The following CAMK1D variants were observed in gnomAD, a reference collection of about 807,000 sequenced individuals.
CAMK1D encodes calcium/calmodulin-dependent protein kinase type 1D.
Under a neutral mutation model 47.7 loss-of-function variants are expected in CAMK1D, and 9 were observed. That is an observed-to-expected ratio of 0.19 (90% confidence interval 0.11 to 0.33). CAMK1D has a LOEUF of 0.33. CAMK1D is among the 10% of genes least tolerant of loss of function. The pLI is 1.00. For missense variants in CAMK1D, 291 were observed against 488.7 expected, an observed-to-expected ratio of 0.60 and a Z score of 3.81; for synonymous variants, 184 against 184.9, an observed-to-expected ratio of 0.99 and a Z score of 0.04.
At chr10:12,473,658 G>A (rs1011986992) in intron 1 of CAMK1D, among the ~76,000 whole-genome samples, 1 of 152,032 alleles carries the variant, frequency 6.6e-6, no homozygotes, top group Non-Finnish European at 1.5e-5. Flanking sequence ...CTGCAAGCCC[G>A]GGGAGTCTAC....
At chr10:12,457,381 ACT>A (rs1833283328) in intron 1 of CAMK1D, among the ~76,000 whole-genome samples, 1 of 146,044 alleles carries the variant, frequency 6.8e-6, no homozygotes, top group Non-Finnish European at 1.5e-5. Context: ...ACAGAGCGAG[ACT>A]CTGTCTCAAA....
intron 3 of CAMK1D, among the ~76,000 whole-genome samples, chr10:12,683,724 A>G (rs184541728): frequency 2.6e-4 from 39 of 148,126 alleles, no homozygotes; most frequent in African/African-American, 9.7e-4. Flanking sequence ...TATGAAGTAA[A>G]TGAATTTAGG....
At chr10:12,825,053 G>T (rs999103252) in intron 9 of CAMK1D, among the ~76,000 whole-genome samples, 1 of 34,454 alleles carries the variant, frequency 2.9e-5, no homozygotes, top group Non-Finnish European at 6.4e-5. Flanking sequence ...TGCCATGAGG[G>T]CCAATGGTGA....
intron 6 of CAMK1D, among the ~76,000 whole-genome samples, chr10:12,800,711 G>A (rs1173996589): frequency 2.0e-5 from 3 of 152,174 alleles, no homozygotes; most frequent in Admixed American, 6.5e-5. Context: ...CTTTGAGCAG[G>A]CGTTCTCAGG....
intron 6 of CAMK1D, among the ~76,000 whole-genome samples, chr10:12,792,688 GGTAA>G (rs1198668003): frequency 1.3e-5 from 2 of 152,206 alleles, no homozygotes; most frequent in Non-Finnish European, 2.9e-5. Flanking sequence ...TGTGGATTTA[GGTAA>G]CAGTGCCTGT....
At chr10:12,826,395 CAAT>C (rs1397821066) in intron 10 of CAMK1D, among the ~76,000 whole-genome samples, 2 of 152,198 alleles carry the variant, frequency 1.3e-5, no homozygotes, top group Non-Finnish European at 2.9e-5. Flanking sequence ...TGGATGCAGA[CAAT>C]GATAATTTGA....
chr10:12,455,347 T>C (rs1247441354), intron 1 of CAMK1D, among the ~76,000 whole-genome samples: 3 of 151,752 alleles, frequency 2.0e-5, no homozygotes, highest in African/African-American at 7.3e-5. Flanking sequence ...AATTTTCGTA[T>C]TTTTTTGTAG....
At chr10:12,633,669 A>G (rs1274423265) in intron 2 of CAMK1D, among the ~76,000 whole-genome samples, 1 of 151,816 alleles carries the variant, frequency 6.6e-6, no homozygotes, top group African/African-American at 2.4e-5. Context: ...CGATCCACCC[A>G]CCTCTGCCTC....
At chr10:12,591,272 T>C (rs1045582318) in intron 2 of CAMK1D, among the ~76,000 whole-genome samples, 2 of 152,202 alleles carry the variant, frequency 1.3e-5, no homozygotes, top group Admixed American at 1.3e-4. Flanking sequence ...CCTGTAGCAA[T>C]TGGCCCGGCA....
chr10:12,684,110 C>T (rs775592261), intron 3 of CAMK1D, among the ~76,000 whole-genome samples: 1 of 152,168 alleles, frequency 6.6e-6, no homozygotes, highest in Admixed American at 6.5e-5. Context: ...TATACACTTG[C>T]TACAGAGCCC....
At chr10:12,739,715 A>G (rs1835346038) in intron 3 of CAMK1D, among the ~76,000 whole-genome samples, 4 of 152,088 alleles carry the variant, frequency 2.6e-5, no homozygotes, top group Non-Finnish European at 4.4e-5. Context: ...TGTACTTTGT[A>G]TACATTCCAT....
intron 3 of CAMK1D, among the ~76,000 whole-genome samples, chr10:12,719,063 G>A (rs1346710613): frequency 3.3e-5 from 5 of 152,278 alleles, no homozygotes; most frequent in East Asian, 3.9e-4. Flanking sequence ...GACAAGGTAC[G>A]ACAATTACAC....
rs1032919965 is a variant in CAMK1D at position 12,566,346 on chromosome 10, G to T, written c.224+12990G>T. Among the ~76,000 whole-genome samples the T allele has an allele frequency of 7.9e-5, 12 of 152,270 alleles. No homozygotes were observed. The East Asian group carries it at 2.3e-3, about 29-fold the overall frequency. ...CTTGAAATAGGAGACAGAGGCAGCAGCGATGAGGTGGCCGGCCTTCTTCCA... is the reference window on the plus strand; with the variant it reads ...CTTGAAATAGGAGACAGAGGCAGCATCGATGAGGTGGCCGGCCTTCTTCCA... On this transcript the variant is annotated intron_variant, in intron 2 of 10. Transcript: ENST00000619168.
At chr10:12,379,435 G>A (rs1838278385) in intron 1 of CAMK1D, among the ~76,000 whole-genome samples, 1 of 152,048 alleles carries the variant, frequency 6.6e-6, no homozygotes, top group South Asian at 2.1e-4. Flanking sequence ...TGGTGTTTAA[G>A]TGCTCAAAAA....
intron 3 of CAMK1D, among the ~76,000 whole-genome samples, chr10:12,668,361 A>T (rs1840499241): frequency 6.6e-6 from 1 of 152,210 alleles, no homozygotes; most frequent in Admixed American, 6.5e-5. Flanking sequence ...AAAAACTACT[A>T]ATCCTCAATC....
intron 1 of CAMK1D, among the ~76,000 whole-genome samples, chr10:12,506,808 G>A (rs556404762): frequency 2.0e-3 from 309 of 152,194 alleles, no homozygotes; most frequent in African/African-American, 6.9e-3. Flanking sequence ...GTGAGCCACC[G>A]CGCCCGGCCT....
chr10:12,473,848 C>T (rs2132080902), intron 1 of CAMK1D, among the ~76,000 whole-genome samples: 1 of 152,236 alleles, frequency 6.6e-6, no homozygotes, highest in East Asian at 1.9e-4. Flanking sequence ...GAGATTTGAA[C>T]CAGGGAGACT....
chr10:12,808,316 G>A (rs917472933), intron 6 of CAMK1D, among the ~76,000 whole-genome samples: 2 of 152,214 alleles, frequency 1.3e-5, no homozygotes, highest in Non-Finnish European at 2.9e-5. Flanking sequence ...GCTCTTGAAG[G>A]CAGAAACTGG....
intron 2 of CAMK1D, among the ~76,000 whole-genome samples, chr10:12,567,422 A>C (rs1351887267): frequency 6.6e-6 from 1 of 152,200 alleles, no homozygotes; most frequent in East Asian, 1.9e-4. Flanking sequence ...TGGGGAAGGC[A>C]GGGATGGGGC....
Sources: allele counts gnomAD v4.1 joint callset (sites outside exome capture counted in the v4.1 genomes callset), GRCh38; gene constraint gnomAD v4.1.1; transcripts MANE v1.5; gene names NCBI Gene and HGNC (gene_info 2026-07-23, HGNC 2026-07-21).